ANKRD30BL: variants seen among roughly 807,000 people sequenced by gnomAD.
ANKRD30BL encodes putative ankyrin repeat domain-containing protein 30B-like.
Under a neutral mutation model 18.4 loss-of-function variants are expected in ANKRD30BL, and 20 were observed. The observed-to-expected ratio is 1.09, with a 90% CI of 0.77 to 1.58. The LOEUF (loss-of-function observed/expected upper bound fraction) is 1.58. Among genes scored for constraint, ANKRD30BL ranks in the 40% most tolerant of loss-of-function variants. The probability of loss-of-function intolerance (pLI) is 0.00; values close to 1 mark genes in which losing one functional copy is unlikely to be tolerated. For missense variants in ANKRD30BL, 224 were observed against 268.6 expected (o/e 0.83, Z 1.16); for synonymous variants, 72 against 100.9 (o/e 0.71, Z 1.72).
intron 1 of ANKRD30BL, among the ~76,000 whole-genome samples, chr2:132,157,708 C>G (rs1348350672): frequency 6.6e-6 from 1 of 152,124 alleles, no homozygotes; most frequent in African/African-American, 2.4e-5. Flanking sequence ...TAACCTTTCT[C>G]TGCCTCAATT....
intron 5 of ANKRD30BL, among the ~76,000 whole-genome samples, chr2:132,150,545 G>A (rs1687731033): frequency 6.6e-6 from 1 of 150,972 alleles, no homozygotes. Flanking sequence ...ATCACACCAA[G>A]GATTATACAT....
In ANKRD30BL at chr2:132,198,340, TTTA is replaced by T. The variant is rs1441515276; in HGVS notation, n.442-41197_442-41195del. ...TCTTTCTTTCTTTTTTTTTTTTTTTTTTAGACAGAGTCTCCCTCTGTCGCCCAG... is the reference window on the plus strand; with the variant it reads ...TCTTTCTTTCTTTTTTTTTTTTTTTTGACAGAGTCTCCCTCTGTCGCCCAG... On this transcript the variant is annotated intron_variant and non_coding_transcript_variant, in intron 1 of 4. Transcript: ENST00000470729. Among the ~76,000 whole-genome samples the T allele has an allele frequency of 4.6e-3, 586 of 127,386 alleles. 6 individuals are homozygous for T. The highest frequency in any genetic ancestry group is 0.023 in the Admixed American group (257 of 11,386). The allele number at this position is 127,386 out of a possible 152,430, so 83.6% of individuals were successfully genotyped here.
intron 1 of ANKRD30BL, among the ~76,000 whole-genome samples, chr2:132,204,603 T>A (rs1679174264): frequency 6.6e-6 from 1 of 152,034 alleles, no homozygotes; most frequent in Non-Finnish European, 1.5e-5. Context: ...AGTACAGGCA[T>A]GATGTGATGA....
intron 1 of ANKRD30BL, among the ~76,000 whole-genome samples, chr2:132,231,968 C>T (rs1680032189): frequency 6.6e-6 from 1 of 152,194 alleles, no homozygotes; most frequent in African/African-American, 2.4e-5. Context: ...GTGGTTCTCC[C>T]AGCATGCAGC....
intron 1 of ANKRD30BL, among the ~76,000 whole-genome samples, chr2:132,234,426 TG>T (rs1680098478): frequency 6.6e-6 from 1 of 151,450 alleles, no homozygotes; most frequent in Non-Finnish European, 1.5e-5. Flanking sequence ...TCAACAAAAT[TG>T]ATAGACAGCT....
intron 1 of ANKRD30BL, among the ~76,000 whole-genome samples, chr2:132,219,544 T>A (rs531190976): frequency 6.6e-6 from 1 of 151,964 alleles, no homozygotes; most frequent in Admixed American, 6.6e-5. Flanking sequence ...TGCCTTCAAC[T>A]GACAGAGTTG....
intron 1 of ANKRD30BL, among the ~76,000 whole-genome samples, chr2:132,219,405 A>T (rs1468499468): frequency 6.6e-6 from 1 of 151,856 alleles, no homozygotes; most frequent in African/African-American, 2.4e-5. Flanking sequence ...TAGATAGAGC[A>T]GGTTTGAAAC....
chr2:132,243,746 C>T (rs533682208), intron 1 of ANKRD30BL, among the ~76,000 whole-genome samples: 1 of 151,898 alleles, frequency 6.6e-6, no homozygotes, highest in South Asian at 2.1e-4. Flanking sequence ...CACATAAAAA[C>T]AAGACAGAAG....
intron 1 of ANKRD30BL, among the ~76,000 whole-genome samples, chr2:132,228,720 C>G (rs989306589): frequency 1.4e-4 from 20 of 146,408 alleles, no homozygotes; most frequent in Middle Eastern, 3.4e-3. Flanking sequence ...GTAGAATCTG[C>G]AAGCGGACAT....
chr2:132,160,790 T>G (rs1015655007), intron 1 of ANKRD30BL, among the ~76,000 whole-genome samples: 1 of 152,062 alleles, frequency 6.6e-6, no homozygotes, highest in Non-Finnish European at 1.5e-5. Flanking sequence ...ACTTTTCTAC[T>G]CCGTTACAAA....
intron 1 of ANKRD30BL, among the ~76,000 whole-genome samples, chr2:132,244,053 C>T (rs76677685): frequency 6.6e-6 from 1 of 152,250 alleles, no homozygotes; most frequent in African/African-American, 2.4e-5. Context: ...CGATTTGAGA[C>T]CTATGGTGAA....
At chr2:132,212,506 T>G (rs1188972170) in intron 1 of ANKRD30BL, among the ~76,000 whole-genome samples, 2 of 151,892 alleles carry the variant, frequency 1.3e-5, no homozygotes, top group Non-Finnish European at 2.9e-5. Context: ...TCTGAGAAAC[T>G]TCTTTGTGAT....
intron 1 of ANKRD30BL, among the ~76,000 whole-genome samples, chr2:132,207,847 C>T (rs1306842285): frequency 6.6e-6 from 1 of 152,126 alleles, no homozygotes; most frequent in Non-Finnish European, 1.5e-5. Flanking sequence ...ACGTGGCATA[C>T]ATGCAATTTC....
At chr2:132,167,978 C>A (rs1688218440) in intron 1 of ANKRD30BL, among the ~76,000 whole-genome samples, 1 of 152,080 alleles carries the variant, frequency 6.6e-6, no homozygotes, top group African/African-American at 2.4e-5. Context: ...AATAAAAAAA[C>A]TTTTTAACTT....
At chr2:132,255,166 C>A (rs1011062416) in intron 1 of ANKRD30BL, among the ~76,000 whole-genome samples, 4 of 152,220 alleles carry the variant, frequency 2.6e-5, no homozygotes, top group African/African-American at 9.6e-5. Flanking sequence ...CGTCTTCGAA[C>A]CTCCGACTTT....
intron 1 of ANKRD30BL, among the ~76,000 whole-genome samples, chr2:132,221,368 A>G (rs1263426123): frequency 8.2e-4 from 52 of 63,396 alleles, no homozygotes; most frequent in African/African-American, 9.8e-4. Flanking sequence ...GGGAGGGGGG[A>G]GGGGGGGTCA....
chr2:132,234,539 T>G (rs1282854712), intron 1 of ANKRD30BL, among the ~76,000 whole-genome samples: 1 of 152,150 alleles, frequency 6.6e-6, no homozygotes, highest in Admixed American at 6.6e-5. Context: ...CAAACTACCA[T>G]CAGAGAATAC....
intron 1 of ANKRD30BL, among the ~76,000 whole-genome samples, chr2:132,231,513 A>G (rs1036368525): frequency 2.0e-5 from 3 of 152,222 alleles, no homozygotes; most frequent in Non-Finnish European, 4.4e-5. Context: ...AGGGCGATGC[A>G]TTGCCTCACT....
At chr2:132,158,262 A>G (rs1687965016) in intron 1 of ANKRD30BL, among the ~76,000 whole-genome samples, 2 of 152,144 alleles carry the variant, frequency 1.3e-5, no homozygotes, top group Non-Finnish European at 2.9e-5. Flanking sequence ...AATATTTTTA[A>G]AACTTCAAGC....
Sources: allele counts gnomAD v4.1 joint callset (sites outside exome capture counted in the v4.1 genomes callset), GRCh38; gene constraint gnomAD v4.1.1; transcripts MANE v1.5; gene names NCBI Gene and HGNC (gene_info 2026-07-23, HGNC 2026-07-21).